The following ATF7IP2 variants were observed in gnomAD, a reference collection of about 807,000 sequenced individuals.
ATF7IP2 encodes the protein activating transcription factor 7-interacting protein 2.
In ATF7IP2, 42 loss-of-function variants were observed where a neutral mutation model predicts 64.2. The ratio of observed to expected loss-of-function variants is 0.65; its 90% confidence interval spans 0.51 to 0.85. The LOEUF (loss-of-function observed/expected upper bound fraction) is 0.85, where lower values mean the gene tolerates loss of function less well. Among genes scored for constraint, ATF7IP2 ranks in the 40% least tolerant of loss-of-function variants. ATF7IP2 has a pLI of 0.00. For synonymous variants in ATF7IP2, 308 were observed against 272.8 expected (o/e 1.13, Z -1.27); for missense variants, 933 against 784.2 (o/e 1.19, Z -2.27).
At chr16:10,410,482 A>G (rs1424642774) in intron 1 of ATF7IP2, among the ~76,000 whole-genome samples, 1 of 152,166 alleles carries the variant, frequency 6.6e-6, no homozygotes, top group Non-Finnish European at 1.5e-5. Flanking sequence ...GTAACTTTGT[A>G]TCCAGAAACT....
intron 1 of ATF7IP2, among the ~76,000 whole-genome samples, chr16:10,397,775 T>C (rs2047447998): frequency 6.7e-6 from 1 of 150,074 alleles, no homozygotes; most frequent in African/African-American, 2.5e-5. Flanking sequence ...GAAGATTGCA[T>C]GAGCCTGAGA....
At chr16:10,402,577 C>G (rs2047556385) in intron 1 of ATF7IP2, among the ~76,000 whole-genome samples, 1 of 152,092 alleles carries the variant, frequency 6.6e-6, no homozygotes, top group Non-Finnish European at 1.5e-5. Context: ...GATTCTTCCA[C>G]CTCAGCCTCC....
At chr16:10,423,102 G>A (rs544776576) in intron 3 of ATF7IP2, among the ~76,000 whole-genome samples, 47 of 152,300 alleles carry the variant, frequency 3.1e-4, no homozygotes, top group African/African-American at 1.0e-3. Context: ...AAATTAGCCA[G>A]GCGTGGTGGC....
intron 9 of ATF7IP2, among the ~76,000 whole-genome samples, chr16:10,466,644 G>A (rs12923980): frequency 6.6e-6 from 1 of 151,746 alleles, no homozygotes; most frequent in Non-Finnish European, 1.5e-5. Flanking sequence ...TTAGCCATTT[G>A]GATATCTTCT....
chr16:10,395,449 G>A (rs1403176085), intron 1 of ATF7IP2, among the ~76,000 whole-genome samples: 1 of 152,058 alleles, frequency 6.6e-6, no homozygotes, highest in African/African-American at 2.4e-5. Context: ...TGTAAGGCTA[G>A]TATTATTTGG....
At chr16:10,402,762 C>T (rs938588751) in intron 1 of ATF7IP2, among the ~76,000 whole-genome samples, 2 of 152,046 alleles carry the variant, frequency 1.3e-5, no homozygotes, top group Non-Finnish European at 2.9e-5. Context: ...CTATGTCTGG[C>T]CTGATTTTGG....
chr16:10,464,927 T>C (rs978182846), intron 9 of ATF7IP2, among the ~76,000 whole-genome samples: 1 of 152,182 alleles, frequency 6.6e-6, no homozygotes, highest in Non-Finnish European at 1.5e-5. Flanking sequence ...CCCTCCTGGG[T>C]TTAGGTGATT....
intron 4 of ATF7IP2, 57 bp from the exon 5 acceptor site, chr16:10,430,554 G>T (rs927294488): frequency 3.2e-5 from 33 of 1,025,608 alleles, no homozygotes; most frequent in Non-Finnish European, 1.4e-6. Context: ...TAATTCAGTA[G>T]TAAATAACTT....
intron 8 of ATF7IP2, among the ~76,000 whole-genome samples, chr16:10,456,929 A>G (rs942759350): frequency 2.0e-5 from 3 of 152,202 alleles, no homozygotes; most frequent in Non-Finnish European, 4.4e-5. Context: ...CAAGTTCTCA[A>G]CCAAAGCTGA....
At chr16:10,452,234 G>A (rs966322816) in intron 8 of ATF7IP2, among the ~76,000 whole-genome samples, 1 of 152,124 alleles carries the variant, frequency 6.6e-6, no homozygotes, top group Non-Finnish European at 1.5e-5. Context: ...TTTTTGGGCT[G>A]GTTTCTCCCC....
chr16:10,422,564 AG>A (rs1412182614), intron 3 of ATF7IP2, among the ~76,000 whole-genome samples: 1 of 152,220 alleles, frequency 6.6e-6, no homozygotes, highest in Admixed American at 6.5e-5. Flanking sequence ...GATATACTTC[AG>A]GGGCTTTACG....
intron 1 of ATF7IP2, among the ~76,000 whole-genome samples, chr16:10,401,167 A>G (rs1411925561): frequency 6.6e-6 from 1 of 151,856 alleles, no homozygotes; most frequent in Admixed American, 6.6e-5. Flanking sequence ...GTTTATTTTT[A>G]TTTATTTATT....
At chr16:10,410,867 T>C (rs2047745355) in intron 1 of ATF7IP2, among the ~76,000 whole-genome samples, 1 of 152,250 alleles carries the variant, frequency 6.6e-6, no homozygotes, top group South Asian at 2.1e-4. Flanking sequence ...ATGGCTTTTA[T>C]TACATTGAGG....
At chr16:10,447,681 G>C (rs528935703) in intron 8 of ATF7IP2, 1 of 152,248 alleles carries the variant, frequency 6.6e-6, no homozygotes, top group African/African-American at 2.4e-5. Flanking sequence ...CAATTGACTA[G>C]ATTTAGCATT....
chr16:10,423,088 C>G (rs747618229), intron 3 of ATF7IP2, among the ~76,000 whole-genome samples: 2 of 152,076 alleles, frequency 1.3e-5, no homozygotes, highest in African/African-American at 2.4e-5. Context: ...ACTAAAAATA[C>G]AAAAAATTAG....
At chr16:10,450,112 C>T (rs1468828706) in intron 8 of ATF7IP2, among the ~76,000 whole-genome samples, 2 of 152,060 alleles carry the variant, frequency 1.3e-5, no homozygotes, top group African/African-American at 4.8e-5. Flanking sequence ...GTTCAGTTTC[C>T]ATGTAGTTGT....
chr16:10,416,085 G>A (rs1189588696), intron 2 of ATF7IP2, among the ~76,000 whole-genome samples: 3 of 152,144 alleles, frequency 2.0e-5, no homozygotes, highest in African/African-American at 4.8e-5. Context: ...GCAATCCAGC[G>A]ATCCAGGTGC....
rs962921065 is a variant in ATF7IP2 at position 10,482,442 on chromosome 16, T to C, written c.*193T>C. The C allele has an allele frequency of 2.0e-6, 1 of 496,570 alleles. No individual in the cohort carries two copies. Among genetic ancestry groups the C allele is most frequent in the Admixed American group, 3.8e-5 (1 of 26,194 alleles). The allele number at this position is 496,570 out of a possible 1,614,324, so 30.8% of individuals were successfully genotyped here. ...GTTTGTATTAAATATGTCCTTCCAA[T>C]GGATAAGTTCTAAAACATACGCTAT... On this transcript the variant is annotated 3_prime_UTR_variant, in exon 14 of 14. Coordinates refer to ENST00000562102, the MANE Select transcript of ATF7IP2 (RefSeq NM_001393719.1).
chr16:10,473,333 G>A (rs1441820431), intron 10 of ATF7IP2, 146 bp from the exon 11 acceptor site: 4 of 533,964 alleles, frequency 7.5e-6, no homozygotes. Flanking sequence ...TTCAGTCTTT[G>A]GAATAGGTAA....
Sources: allele counts gnomAD v4.1 joint callset (sites outside exome capture counted in the v4.1 genomes callset), GRCh38; gene constraint gnomAD v4.1.1; transcripts MANE v1.5; gene names NCBI Gene and HGNC (gene_info 2026-07-23, HGNC 2026-07-21).